The following CEP112 variants were observed in gnomAD, a reference collection of about 807,000 sequenced individuals.
The protein encoded by CEP112 is centrosomal protein 112.
Under a neutral mutation model 153.0 loss-of-function variants are expected in CEP112, and 127 were observed. That is an observed-to-expected ratio of 0.83 (90% CI 0.72 to 0.96). CEP112 has a LOEUF of 0.96. Among genes scored for constraint, CEP112 ranks in the 40% least tolerant of loss-of-function variants. The pLI, the probability that CEP112 is intolerant of heterozygous loss-of-function variation, is 0.00. For missense variants in CEP112, 1,089 were observed against 1,101.2 expected, an observed-to-expected ratio of 0.99 and a Z score of 0.16; for synonymous variants, 358 against 374.4, an observed-to-expected ratio of 0.96 and a Z score of 0.51.
At chr17:65,971,600 TTGTGTG>T (rs2062825573) in intron 17 of CEP112, among the ~76,000 whole-genome samples, 1 of 54,042 alleles carries the variant, frequency 1.9e-5, no homozygotes, top group Non-Finnish European at 4.2e-5. Flanking sequence ...TGCATGCATA[TTGTGTG>T]CATATTATAT....
intron 17 of CEP112, among the ~76,000 whole-genome samples, chr17:65,969,794 G>T (rs1000461988): frequency 6.6e-6 from 1 of 151,966 alleles, no homozygotes; most frequent in Admixed American, 6.6e-5. Flanking sequence ...TTACATGCAT[G>T]CGCATCACAT....
intron 17 of CEP112, among the ~76,000 whole-genome samples, chr17:65,987,430 A>C (rs1476840804): frequency 1.3e-5 from 2 of 152,294 alleles, no homozygotes; most frequent in African/African-American, 2.4e-5. Context: ...AAAGAGCTAC[A>C]AAAGTGAAAA....
Position 65,689,138 on chromosome 17 carries a change from T to C in CEP112, c.2688A>G (p.Ser896=). 1 of 1,609,484 alleles carries C rather than the reference T, an allele frequency of 6.2e-7. No individual in the cohort carries two copies. The highest frequency in any genetic ancestry group is 1.1e-5 in the South Asian group (1 of 90,980). The change falls in exon 24 of 27, where the codon TCA becomes TCG. Residue 896 remains serine, a synonymous_variant. Transcript: ENST00000535342. ...EKKLQHKELE[S]QEQITYIRQE... is the part of the protein sequence containing the mutation. ...GTAAAGGAGAGGGTACCTGTTCCTG[T>C]GACTCCAATTCTTTGTGTTGTAATT...
chr17:65,874,877 C>T (rs116510701), intron 20 of CEP112, among the ~76,000 whole-genome samples: 3 of 152,000 alleles, frequency 2.0e-5, no homozygotes, highest in East Asian at 1.9e-4. Context: ...TTCTTTACAT[C>T]GTAATCAAAA....
intron 23 of CEP112, among the ~76,000 whole-genome samples, chr17:65,705,796 G>A (rs946951774): frequency 1.3e-5 from 2 of 152,204 alleles, no homozygotes; most frequent in South Asian, 4.1e-4. Context: ...CAAATCAACT[G>A]TAAAATGGCA....
chr17:66,061,186 A>C (rs2066908436), intron 11 of CEP112, among the ~76,000 whole-genome samples: 1 of 152,102 alleles, frequency 6.6e-6, no homozygotes, highest in East Asian at 1.9e-4. Context: ...AAAATGCTAA[A>C]CCTCACTAAT....
chr17:65,900,982 T>G (rs1368449662), intron 20 of CEP112, among the ~76,000 whole-genome samples: 2 of 152,216 alleles, frequency 1.3e-5, no homozygotes, highest in East Asian at 3.9e-4. Flanking sequence ...TATATTCATA[T>G]TGCATCAGTT....
chr17:65,921,974 C>T lies in CEP112; in HGVS notation c.1980+5608G>A, dbSNP rs1428904443. Among the ~76,000 whole-genome samples the T allele has an allele frequency of 8.5e-5, 13 of 152,120 alleles. No homozygotes were observed. In the East Asian group the frequency reaches 2.5e-3, roughly 29 times the overall value. On this transcript the variant is annotated intron_variant, in intron 19 of 26. Coordinates refer to ENST00000535342, the MANE Select transcript of CEP112 (RefSeq NM_001199165.4). ...AAAAAGAATTCACCATGATTCCATC[C>T]TCTAAAAAATAACTAGGATTTTTGA...
intron 6 of CEP112, among the ~76,000 whole-genome samples, chr17:66,106,466 C>T (rs2068788496): frequency 6.6e-6 from 1 of 151,972 alleles, no homozygotes; most frequent in South Asian, 2.1e-4. Flanking sequence ...AGAGACATTA[C>T]AACTGATATG....
chr17:66,079,287 G>T (rs1290037278), intron 8 of CEP112, among the ~76,000 whole-genome samples: 1 of 151,954 alleles, frequency 6.6e-6, no homozygotes, highest in Non-Finnish European at 1.5e-5. Context: ...TCTTGCATAT[G>T]TATATCAGGA....
chr17:65,926,767 T>C (rs920201581), intron 19 of CEP112, among the ~76,000 whole-genome samples: 2 of 151,310 alleles, frequency 1.3e-5, no homozygotes, highest in Non-Finnish European at 2.9e-5. Context: ...TTTCACTTTT[T>C]AATTTGTAGA....
intron 11 of CEP112, 61 bp from the exon 12 acceptor site, chr17:66,053,940 C>A: frequency 1.4e-6 from 2 of 1,447,562 alleles, no homozygotes; most frequent in Non-Finnish European, 1.9e-6. Flanking sequence ...TTTTGTAATT[C>A]AGCGGAAAAA....
intron 20 of CEP112, among the ~76,000 whole-genome samples, chr17:65,856,569 C>T (rs4791117): frequency 0.15 from 22,250 of 152,068 alleles, 3,181 homozygotes; most frequent in East Asian, 0.67. Context: ...AGCCATAAGT[C>T]CATAATGTCT....
intron 19 of CEP112, among the ~76,000 whole-genome samples, chr17:65,923,222 T>C (rs2060796778): frequency 6.6e-6 from 1 of 152,210 alleles, no homozygotes; most frequent in Admixed American, 6.5e-5. Flanking sequence ...TCTGAAGTTA[T>C]CCATACTTTG....
intron 24 of CEP112, among the ~76,000 whole-genome samples, chr17:65,666,356 A>G (rs1394330301): frequency 6.6e-6 from 1 of 152,148 alleles, no homozygotes; most frequent in African/African-American, 2.4e-5. Context: ...GGCCTTTTTC[A>G]TACAATGTCT....
chr17:66,098,367 T>C (rs1197559909), intron 6 of CEP112, among the ~76,000 whole-genome samples: 1 of 152,214 alleles, frequency 6.6e-6, no homozygotes, highest in African/African-American at 2.4e-5. Context: ...GAGGATCAAG[T>C]GATAAACATT....
intron 8 of CEP112, among the ~76,000 whole-genome samples, chr17:66,085,068 AAG>A (rs1195106644): frequency 6.6e-6 from 1 of 152,252 alleles, no homozygotes; most frequent in East Asian, 1.9e-4. Context: ...ACATACAAAA[AAG>A]AAGTGATACT....
At chr17:66,104,913 T>G (rs543347484) in intron 6 of CEP112, among the ~76,000 whole-genome samples, 1 of 152,132 alleles carries the variant, frequency 6.6e-6, no homozygotes, top group East Asian at 1.9e-4. Context: ...GAAAGGACAT[T>G]AATGTGCAAT....
chr17:65,780,449 A>G (rs1053463954), intron 21 of CEP112, among the ~76,000 whole-genome samples: 4 of 152,112 alleles, frequency 2.6e-5, no homozygotes, highest in Non-Finnish European at 5.9e-5. Context: ...AAAAACCTTT[A>G]CTTTGCTCTA....
Sources: gnomAD v4.1 joint callset for allele counts (sites outside exome capture counted in the v4.1 genomes callset) on GRCh38, gnomAD v4.1.1 for gene constraint, MANE v1.5 for transcripts, NCBI Gene and HGNC (gene_info 2026-07-23, HGNC 2026-07-21) for gene names.